Variants in SCEL observed in about 807,000 individuals in gnomAD.
SCEL encodes the protein sciellin.
SCEL carries 113 observed loss-of-function variants against 117.6 expected under a neutral mutation model. The ratio of observed to expected loss-of-function variants is 0.96; its 90% confidence interval spans 0.83 to 1.12. The LOEUF (loss-of-function observed/expected upper bound fraction) is 1.12. Among genes scored for constraint, SCEL ranks in the 50% most tolerant of loss-of-function variants. The probability of loss-of-function intolerance (pLI) is 0.00; values close to 1 mark genes in which losing one functional copy is unlikely to be tolerated. For synonymous variants in SCEL, 270 were observed against 256.2 expected, an observed-to-expected ratio of 1.05 and a Z score of -0.51; for missense variants, 785 against 810.8, an observed-to-expected ratio of 0.97 and a Z score of 0.39.
chr13:77,632,589 TCTTTAAGAG>T (rs1010114433), intron 28 of SCEL, among the ~76,000 whole-genome samples: 1 of 152,196 alleles, frequency 6.6e-6, no homozygotes, highest in African/African-American at 2.4e-5. Context: ...GCTTTCCTCT[TCTTTAAGAG>T]CTTTATCAGC....
intron 27 of SCEL, among the ~76,000 whole-genome samples, chr13:77,620,526 A>G (rs1237965624): frequency 6.6e-6 from 1 of 152,212 alleles, no homozygotes; most frequent in African/African-American, 2.4e-5. Flanking sequence ...CATTGATCAG[A>G]ATGTAAGCAG....
Position 77,567,687 on chromosome 13 carries a change from G to A in SCEL, c.298G>A (p.Asp100Asn), listed in dbSNP as rs754413852. The change falls in exon 6 of 33, where the codon GAC becomes AAC. Residue 100 changes from aspartate (D) to asparagine (N), a missense_variant. Transcript: ENST00000349847. ...SSDDTLDRISDRNDAAKTYKA... is the reference protein window; with the variant it reads ...SSDDTLDRISNRNDAAKTYKA... ...TCTTGTTTCTTTATAAAGGATCTCA[G>A]ACAGAAATGATGCTGCTAAAACATA... is the stretch of plus-strand genomic sequence containing the variant. 2 of 1,606,912 alleles carry A rather than the reference G, an allele frequency of 1.2e-6. No individual in the cohort carries two copies. Among genetic ancestry groups the A allele is most frequent in the Non-Finnish European group, 1.7e-6 (2 of 1,176,450 alleles).
chr13:77,558,538 G>T (rs1254412633), intron 3 of SCEL, among the ~76,000 whole-genome samples: 4 of 152,092 alleles, frequency 2.6e-5, no homozygotes, highest in Non-Finnish European at 4.4e-5. Context: ...CGGAGGCCGG[G>T]CGTGGTGGAT....
At chr13:77,620,154 A>G (rs2089329623) in intron 27 of SCEL, among the ~76,000 whole-genome samples, 1 of 152,218 alleles carries the variant, frequency 6.6e-6, no homozygotes, top group South Asian at 2.1e-4. Flanking sequence ...ATTCTTTAGT[A>G]GTATGCCAGA....
chr13:77,612,264 G>A (rs1332475294), intron 22 of SCEL, among the ~76,000 whole-genome samples: 1 of 152,066 alleles, frequency 6.6e-6, no homozygotes, highest in Non-Finnish European at 1.5e-5. Flanking sequence ...GTAGAGCTAT[G>A]AATGCCTATG....
At chr13:77,568,183 C>G (rs1391933357) in intron 6 of SCEL, 112 bp from the exon 7 acceptor site, 3 of 667,700 alleles carry the variant, frequency 4.5e-6, no homozygotes, top group Non-Finnish European at 7.8e-6. Flanking sequence ...CTTTCTATTT[C>G]TTTCTCTCAC....
At chr13:77,599,667 G>T (rs909087287) in intron 14 of SCEL, 22 bp from the exon 15 acceptor site, 1 of 1,571,408 alleles carries the variant, frequency 6.4e-7, no homozygotes, top group Admixed American at 1.7e-5. Flanking sequence ...AGCCTTTTAT[G>T]TGAATTTCTT....
intron 19 of SCEL, among the ~76,000 whole-genome samples, chr13:77,605,273 CAGTT>C (rs1395453162): frequency 6.6e-6 from 1 of 152,072 alleles, no homozygotes; most frequent in Admixed American, 6.6e-5. Context: ...GGCAAAGGCT[CAGTT>C]AGTTGAAAAG....
rs948644469 is a variant in SCEL at position 77,580,973 on chromosome 13, G to C, written c.546-8171G>C. ...AGAAGTGAGTTGCCATGGCAACCTT[G>C]CACTACAGTTATATTTTTCTGTCTG... On this transcript the variant is annotated intron_variant, in intron 9 of 32. Coordinates refer to ENST00000349847, the MANE Select transcript of SCEL (RefSeq NM_144777.3). Among the ~76,000 whole-genome samples the C allele has an allele frequency of 1.1e-4, 17 of 152,060 alleles. 1 individual carries two copies. Among genetic ancestry groups the C allele is most frequent in the African/African-American group, 3.6e-4 (15 of 41,430 alleles).
chr13:77,612,220 T>C (rs993983547), intron 22 of SCEL, among the ~76,000 whole-genome samples: 1 of 152,104 alleles, frequency 6.6e-6, no homozygotes, highest in African/African-American at 2.4e-5. Flanking sequence ...GGTGTTAGGG[T>C]TGGTATCATT....
rs1015608514 is a variant in SCEL at position 77,597,136 on chromosome 13, G to C, written c.753-409G>C. 5.1e-5 allele frequency: 10 copies of C among 194,276 alleles called. 1 individual carries two copies. In the Middle Eastern group the frequency reaches 7.2e-3, roughly 140 times the overall value. The allele number at this position is 194,276 out of a possible 1,614,324, so 12.0% of individuals were successfully genotyped here. On this transcript the variant is annotated intron_variant, in intron 12 of 32. Coordinates refer to ENST00000349847, the MANE Select transcript of SCEL (RefSeq NM_144777.3). ...TAAAAGTGGGTATTAAGTATCTACT[G>C]TATGAACACTGTATTAAAACACAGA...
intron 9 of SCEL, among the ~76,000 whole-genome samples, chr13:77,576,434 C>T (rs1448212987): frequency 6.7e-6 from 1 of 150,268 alleles, no homozygotes; most frequent in East Asian, 1.9e-4. Context: ...CCTAAAGGCT[C>T]CAAGTCCCTC....
At chr13:77,583,889 A>G (rs986315254) in intron 9 of SCEL, among the ~76,000 whole-genome samples, 1 of 152,216 alleles carries the variant, frequency 6.6e-6, no homozygotes, top group Admixed American at 6.5e-5. Context: ...GCATATGGAA[A>G]TGAAGTAATA....
chr13:77,549,402 A>T (rs2084176012), intron 1 of SCEL, among the ~76,000 whole-genome samples: 1 of 152,208 alleles, frequency 6.6e-6, no homozygotes, highest in Non-Finnish European at 1.5e-5. Flanking sequence ...AATAACAGAG[A>T]ACACACTACC....
At chr13:77,584,526 T>G (rs2086454175) in intron 9 of SCEL, among the ~76,000 whole-genome samples, 1 of 152,208 alleles carries the variant, frequency 6.6e-6, no homozygotes, top group East Asian at 1.9e-4. Flanking sequence ...TCTACTCCCC[T>G]GATCCACGCA....
intron 2 of SCEL, 91 bp downstream of exon 2, chr13:77,556,009 T>C: frequency 2.2e-6 from 2 of 917,184 alleles, no homozygotes; most frequent in South Asian, 1.6e-5. Context: ...AGATATTGAA[T>C]GCTTAGAAAC....
intron 30 of SCEL, 106 bp downstream of exon 30, chr13:77,637,300 A>G (rs2090332062): frequency 5.7e-6 from 1 of 175,056 alleles, no homozygotes. Flanking sequence ...ATATATATAA[A>G]TATATATACA....
chr13:77,552,723 C>A (rs973421111), intron 1 of SCEL, among the ~76,000 whole-genome samples: 3 of 152,048 alleles, frequency 2.0e-5, no homozygotes, highest in African/African-American at 7.2e-5. Context: ...TCAATTTTGG[C>A]TTTTGTTGCC....
chr13:77,561,269 A>G (rs1376476583), intron 4 of SCEL, among the ~76,000 whole-genome samples: 1 of 152,222 alleles, frequency 6.6e-6, no homozygotes, highest in Non-Finnish European at 1.5e-5. Flanking sequence ...CATATTCTTA[A>G]TGTACATACA....
Sources: gnomAD v4.1 joint callset for allele counts (sites outside exome capture counted in the v4.1 genomes callset) on GRCh38, gnomAD v4.1.1 for gene constraint, MANE v1.5 for transcripts, NCBI Gene and HGNC (gene_info 2026-07-23, HGNC 2026-07-21) for gene names.